MDGA2: variants seen among roughly 807,000 people sequenced by gnomAD.
MDGA2 encodes MAM domain-containing glycosylphosphatidylinositol anchor protein 2.
A neutral mutation model predicts 117.8 loss-of-function variants in MDGA2; 40 were observed. That is an observed-to-expected ratio of 0.34 (90% CI 0.26 to 0.44). MDGA2 has a LOEUF of 0.44. MDGA2 is among the 20% of genes least tolerant of loss of function. The pLI is 1.00. For missense variants in MDGA2, 1,123 were observed against 1,250.6 expected (o/e 0.90, Z 1.54); for synonymous variants, 452 against 439.0 (o/e 1.03, Z -0.37).
At chr14:46,852,252 C>T (rs1400447204) in intron 15 of MDGA2, among the ~76,000 whole-genome samples, 1 of 150,746 alleles carries the variant, frequency 6.6e-6, no homozygotes, top group Non-Finnish European at 1.5e-5. Flanking sequence ...TTTAAATTAC[C>T]AAATAACTGG....
intron 3 of MDGA2, among the ~76,000 whole-genome samples, chr14:47,151,448 A>G (rs945124752): frequency 6.6e-6 from 1 of 152,208 alleles, no homozygotes; most frequent in Non-Finnish European, 1.5e-5. Context: ...GTTACTATTC[A>G]TAATTTTCTC....
intron 1 of MDGA2, 47 bp from the exon 2 acceptor site, chr14:47,301,597 C>T: frequency 1.3e-6 from 2 of 1,544,512 alleles, no homozygotes; most frequent in Admixed American, 2.0e-5. Flanking sequence ...AAAGGTAAGT[C>T]AGTGATCTTC....
At chr14:47,107,826 C>T (rs1352864262) in intron 5 of MDGA2, among the ~76,000 whole-genome samples, 1 of 151,102 alleles carries the variant, frequency 6.6e-6, no homozygotes, top group Non-Finnish European at 1.5e-5. Flanking sequence ...CTCATGTCTG[C>T]GTGCAGTGGC....
At chr14:47,658,837 C>A (rs924718248) in intron 1 of MDGA2, among the ~76,000 whole-genome samples, 3 of 152,170 alleles carry the variant, frequency 2.0e-5, no homozygotes, top group African/African-American at 4.8e-5. Flanking sequence ...AAACAGAATT[C>A]TTTCTCTATT....
intron 1 of MDGA2, among the ~76,000 whole-genome samples, chr14:47,474,411 G>A (rs1425696303): frequency 6.6e-6 from 1 of 151,912 alleles, no homozygotes; most frequent in Non-Finnish European, 1.5e-5. Context: ...ATTTCCCAAA[G>A]CAATTTATAG....
chr14:47,655,259 T>C (rs1009598247), intron 1 of MDGA2, among the ~76,000 whole-genome samples: 2 of 152,128 alleles, frequency 1.3e-5, no homozygotes. Flanking sequence ...TGGCAATTGA[T>C]CTAGCAAAAA....
chr14:47,596,278 A>G (rs1448807431), intron 1 of MDGA2, among the ~76,000 whole-genome samples: 1 of 152,210 alleles, frequency 6.6e-6, no homozygotes, highest in East Asian at 1.9e-4. Flanking sequence ...TTCTAGAGTC[A>G]AGAAGTAGGA....
At chr14:47,069,160 G>A (rs1890188552) in intron 6 of MDGA2, among the ~76,000 whole-genome samples, 1 of 152,100 alleles carries the variant, frequency 6.6e-6, no homozygotes, top group African/African-American at 2.4e-5. Context: ...TCACTCACTA[G>A]GATACTTTAT....
At chr14:47,565,191 G>A (rs1182640585) in intron 1 of MDGA2, among the ~76,000 whole-genome samples, 1 of 152,150 alleles carries the variant, frequency 6.6e-6, no homozygotes, top group Non-Finnish European at 1.5e-5. Context: ...AGACTCTCTT[G>A]CTTTTTGAGT....
At chr14:47,137,951 A>G (rs1054544394) in intron 4 of MDGA2, among the ~76,000 whole-genome samples, 6 of 152,288 alleles carry the variant, frequency 3.9e-5, no homozygotes, top group South Asian at 2.1e-4. Flanking sequence ...TACCATGCCA[A>G]TGGGAGAGTG....
chr14:47,280,023 T>C (rs1481086623), intron 2 of MDGA2, among the ~76,000 whole-genome samples: 1 of 151,596 alleles, frequency 6.6e-6, no homozygotes, highest in Admixed American at 6.6e-5. Flanking sequence ...TAATAGATAT[T>C]GTCAGGCCAG....
intron 8 of MDGA2, among the ~76,000 whole-genome samples, chr14:47,031,886 C>A (rs1888677171): frequency 6.6e-6 from 1 of 152,224 alleles, no homozygotes; most frequent in Admixed American, 6.5e-5. Context: ...CCAGAAGCCT[C>A]TCCAGAAGCA....
At chr14:46,852,335 T>G (rs749755338) in intron 15 of MDGA2, among the ~76,000 whole-genome samples, 2 of 147,868 alleles carry the variant, frequency 1.4e-5, no homozygotes, top group Admixed American at 6.9e-5. Flanking sequence ...GGGAGTCAAA[T>G]AAGGTGAATT....
At chr14:47,222,141 G>A (rs911118838) in intron 2 of MDGA2, among the ~76,000 whole-genome samples, 2 of 151,906 alleles carry the variant, frequency 1.3e-5, no homozygotes, top group African/African-American at 4.8e-5. Context: ...GAATTTAAAA[G>A]TTAAAACAAG....
chr14:47,439,402 A>G (rs1036503228), intron 1 of MDGA2, among the ~76,000 whole-genome samples: 10 of 152,208 alleles, frequency 6.6e-5, no homozygotes, highest in African/African-American at 9.6e-5. Context: ...ATAATCATTT[A>G]TCACAAAATG....
intron 2 of MDGA2, among the ~76,000 whole-genome samples, chr14:47,243,287 A>G (rs1440408451): frequency 1.3e-5 from 2 of 151,424 alleles, no homozygotes; most frequent in Non-Finnish European, 3.0e-5. Context: ...GATTGTAAAC[A>G]CACCAATCAG....
At chr14:47,174,232 A>G (rs2139337422) in intron 3 of MDGA2, among the ~76,000 whole-genome samples, 1 of 152,316 alleles carries the variant, frequency 6.6e-6, no homozygotes, top group South Asian at 2.1e-4. Context: ...AACATTAGAC[A>G]GATCAACGAG....
chr14:47,469,063 T>C (rs1893663344), intron 1 of MDGA2, among the ~76,000 whole-genome samples: 1 of 152,134 alleles, frequency 6.6e-6, no homozygotes, highest in African/African-American at 2.4e-5. Context: ...ACCTACATAA[T>C]AGCATAATAT....
intron 1 of MDGA2, among the ~76,000 whole-genome samples, chr14:47,331,643 A>T (rs10083441): frequency 0.17 from 25,402 of 151,860 alleles, 2,534 homozygotes; most frequent in South Asian, 0.34. Flanking sequence ...TTGTCTGGAA[A>T]GCTACTTAGC....
Sources: allele counts gnomAD v4.1 joint callset (sites outside exome capture counted in the v4.1 genomes callset), GRCh38; gene constraint gnomAD v4.1.1; transcripts MANE v1.5; gene names NCBI Gene and HGNC (gene_info 2026-07-23, HGNC 2026-07-21).